The following PABPC4L variants were observed in gnomAD, a reference collection of about 807,000 sequenced individuals.
The protein encoded by PABPC4L is poly(A) binding protein cytoplasmic 4 like.
For missense variants in PABPC4L, 452 were observed against 451.4 expected (o/e 1.00, Z -0.01); for synonymous variants, 169 against 164.1 (o/e 1.03, Z -0.23).
chr4:134,115,427 G>A, the PABPC4L span, among the ~76,000 whole-genome samples: 1 of 151,616 alleles, frequency 6.6e-6, no homozygotes, highest in Non-Finnish European at 1.5e-5. Flanking sequence ...GAATTTGAGA[G>A]GTCTTTGAAT....
At chr4:134,098,124 G>A in the PABPC4L span, among the ~76,000 whole-genome samples, 2 of 151,752 alleles carry the variant, frequency 1.3e-5, no homozygotes, top group Non-Finnish European at 2.9e-5. Flanking sequence ...ATTTATAAGA[G>A]CAATTGAAGA....
At chr4:134,073,530 T>G in the PABPC4L span, among the ~76,000 whole-genome samples, 4 of 151,962 alleles carry the variant, frequency 2.6e-5, no homozygotes, top group Admixed American at 2.6e-4. Flanking sequence ...GGATTTAAAA[T>G]TCTGGGGGCT....
At chr4:133,967,040 G>C in the PABPC4L span, among the ~76,000 whole-genome samples, 1,032 of 152,070 alleles carry the variant, frequency 6.8e-3, 13 homozygotes, top group African/African-American at 0.024. Flanking sequence ...GTATTAAAGA[G>C]AAGGAAGTAC....
At chr4:134,096,228 AAAGT>A in the PABPC4L span, among the ~76,000 whole-genome samples, 4 of 152,118 alleles carry the variant, frequency 2.6e-5, no homozygotes, top group African/African-American at 9.6e-5. Context: ...GGTTTTTTTC[AAAGT>A]AAGAAGATGA....
chr4:134,174,255 G>A, the PABPC4L span, among the ~76,000 whole-genome samples: 1 of 151,682 alleles, frequency 6.6e-6, no homozygotes, highest in Admixed American at 6.6e-5. Context: ...AATAACTCCT[G>A]AAGGAATTGC....
chr4:134,124,698 T>G, the PABPC4L span, among the ~76,000 whole-genome samples: 1 of 152,094 alleles, frequency 6.6e-6, no homozygotes, highest in African/African-American at 2.4e-5. Flanking sequence ...GTCATAATGA[T>G]AAAGTAGCCT....
At chr4:134,059,872 A>G in the PABPC4L span, among the ~76,000 whole-genome samples, 2,380 of 152,242 alleles carry the variant, frequency 0.016, 56 homozygotes, top group African/African-American at 0.053. Flanking sequence ...GCACTTTCAT[A>G]AGAACCAAAA....
At chr4:134,054,993 T>C in the PABPC4L span, among the ~76,000 whole-genome samples, 2 of 152,100 alleles carry the variant, frequency 1.3e-5, no homozygotes, top group Non-Finnish European at 2.9e-5. Context: ...TTGGCAGTGA[T>C]GTTTTAATGA....
chr4:134,200,347 A>C lies in PABPC4L; in HGVS notation c.673T>G (p.Ser225Ala). ...CCAAAGCCTTTGGATTTCCCACTGGAATCTGTCATCACCTTAACACTCAGA... is the reference window on the plus strand; with the variant it reads ...CCAAAGCCTTTGGATTTCCCACTGGCATCTGTCATCACCTTAACACTCAGA... ...KTLSVKVMTD[S>A]SGKSKGFGFV... Residue 225 changes from serine to alanine, a missense_variant, in exon 2 of 2, where the codon TCC becomes GCC. By Grantham distance (99) the Ser-to-Ala change is moderately conservative. Coordinates refer to ENST00000421491, the MANE Select transcript of PABPC4L (RefSeq NM_001114734.2). 6.3e-7 allele frequency: 1 copy of C among 1,594,888 alleles called. No homozygotes were observed. The highest frequency in any genetic ancestry group is 1.1e-5 in the South Asian group (1 of 88,162).
the PABPC4L span, among the ~76,000 whole-genome samples, chr4:134,095,876 T>C: frequency 2.6e-5 from 4 of 152,096 alleles, no homozygotes; most frequent in South Asian, 6.2e-4. Flanking sequence ...GCTCAAAAGT[T>C]GCACCCTGCA....
the PABPC4L span, among the ~76,000 whole-genome samples, chr4:134,173,840 A>G: frequency 6.6e-6 from 1 of 152,110 alleles, no homozygotes. Context: ...AATATTGATA[A>G]TGATTGTATA....
chr4:133,955,985 T>G, the PABPC4L span, among the ~76,000 whole-genome samples: 8 of 152,156 alleles, frequency 5.3e-5, no homozygotes, highest in Admixed American at 1.3e-4. Flanking sequence ...AGCCCTTTGG[T>G]GGCTTATCTA....
the PABPC4L span, among the ~76,000 whole-genome samples, chr4:134,007,652 G>C: frequency 6.6e-6 from 1 of 151,528 alleles, no homozygotes; most frequent in South Asian, 2.1e-4. Flanking sequence ...GAGCCCATGA[G>C]CCTAATTATC....
the PABPC4L span, among the ~76,000 whole-genome samples, chr4:134,059,521 A>G: frequency 2.0e-5 from 3 of 151,330 alleles, no homozygotes; most frequent in African/African-American, 4.8e-5. Flanking sequence ...AAATACTTAC[A>G]TAAGTTTATG....
At chr4:134,146,726 T>C in the PABPC4L span, among the ~76,000 whole-genome samples, 1 of 151,812 alleles carries the variant, frequency 6.6e-6, no homozygotes, top group Admixed American at 6.6e-5. Flanking sequence ...GAGTCCAGGG[T>C]TTTTATGGGC....
chr4:134,014,990 A>G, the PABPC4L span, among the ~76,000 whole-genome samples: 1 of 151,618 alleles, frequency 6.6e-6, no homozygotes, highest in South Asian at 2.1e-4. Flanking sequence ...GCTACATCTC[A>G]TTGCCACCCT....
chr4:134,109,006 C>T, the PABPC4L span, among the ~76,000 whole-genome samples: 6 of 151,918 alleles, frequency 3.9e-5, no homozygotes, highest in South Asian at 1.0e-3. Context: ...AACATTCATG[C>T]CAGGTGAACA....
At chr4:134,190,950 C>G in the PABPC4L span, among the ~76,000 whole-genome samples, 1 of 152,080 alleles carries the variant, frequency 6.6e-6, no homozygotes, top group Non-Finnish European at 1.5e-5. Flanking sequence ...CTGCACTCAG[C>G]CTCAATTCAA....
chr4:134,055,259 A>C, the PABPC4L span, among the ~76,000 whole-genome samples: 1 of 152,018 alleles, frequency 6.6e-6, no homozygotes, highest in Non-Finnish European at 1.5e-5. Flanking sequence ...AATAAAGTGC[A>C]CTATATAGGA....
Sources: gnomAD v4.1 joint callset for allele counts (sites outside exome capture counted in the v4.1 genomes callset) on GRCh38, gnomAD v4.1.1 for gene constraint, MANE v1.5 for transcripts, NCBI Gene and HGNC (gene_info 2026-07-23, HGNC 2026-07-21) for gene names.